ADAMTS18: variants seen among roughly 807,000 people sequenced by gnomAD.
ADAMTS18 encodes the protein ADAM metallopeptidase with thrombospondin type 1 motif 18.
Under a neutral mutation model 165.9 loss-of-function variants are expected in ADAMTS18, and 157 were observed. The observed-to-expected ratio is 0.95, with a 90% CI of 0.83 to 1.08. ADAMTS18 has a LOEUF of 1.08. ADAMTS18 is among the 50% of genes least tolerant of loss of function. The pLI is 0.00. For synonymous variants in ADAMTS18, 782 were observed against 578.2 expected (o/e 1.35, Z -5.06); for missense variants, 2,040 against 1,534.0 (o/e 1.33, Z -5.51).
rs766276770 is a variant in ADAMTS18, at chr16:77,325,892, T to G, written c.2006A>C (p.Gln669Pro). 45 of 1,613,884 alleles carry G rather than the reference T, an allele frequency of 2.8e-5. No individual in the cohort carries two copies. The highest frequency in any genetic ancestry group is 1.8e-5 in the Non-Finnish European group (21 of 1,179,974). The change falls in exon 13 of 23, where the codon CAG (glutamine) becomes CCG (proline). Residue 669 changes from glutamine to proline, a missense_variant. Gln to Pro is a moderately conservative substitution (Grantham distance 76). Transcript: ENST00000282849. ...TTCCACTTTTGTATAGGGTTTCCAC[T>G]GGTAGAACCATCCACGGAAAGGTTT... ...NSKPFRGWFY[Q>P]WKPYTKVEEE...
At chr16:77,303,335 C>T (rs1368245046) in intron 16 of ADAMTS18, among the ~76,000 whole-genome samples, 1 of 152,226 alleles carries the variant, frequency 6.6e-6, no homozygotes, top group East Asian at 1.9e-4. Context: ...ATCTTCCATA[C>T]TACATTGTCT....
intron 3 of ADAMTS18, among the ~76,000 whole-genome samples, chr16:77,430,328 G>A (rs1469058728): frequency 1.3e-5 from 2 of 152,184 alleles, no homozygotes; most frequent in Non-Finnish European, 2.9e-5. Flanking sequence ...TAAATTTCAG[G>A]CCATAATAGG....
At chr16:77,407,040 C>A (rs2144820253) in intron 3 of ADAMTS18, among the ~76,000 whole-genome samples, 1 of 152,106 alleles carries the variant, frequency 6.6e-6, no homozygotes, top group African/African-American at 2.4e-5. Flanking sequence ...ACCTCAACAT[C>A]ATGCAAAACA....
Position 77,285,105 on chromosome 16 carries a change from G to C in ADAMTS18, c.3551-1034C>G, listed in dbSNP as rs920134672. Among the ~76,000 whole-genome samples the C allele has an allele frequency of 9.3e-5, 14 of 151,126 alleles. No homozygotes were observed. In the South Asian group the frequency reaches 2.9e-3, roughly 31 times the overall value. On this transcript the variant is annotated intron_variant, in intron 22 of 22. Transcript: ENST00000282849. ...AGAATTCTTACTCAGATGGGCCTCA[G>C]GAGATAGGAAATGCAAGTGAATGGG...
intron 11 of ADAMTS18, among the ~76,000 whole-genome samples, chr16:77,339,965 C>G (rs527845515): frequency 6.6e-6 from 1 of 152,266 alleles, no homozygotes; most frequent in South Asian, 2.1e-4. Context: ...TTTTTATCAT[C>G]TAACTGAAGA....
intron 12 of ADAMTS18, among the ~76,000 whole-genome samples, chr16:77,328,976 T>G (rs1172090853): frequency 6.6e-6 from 1 of 152,178 alleles, no homozygotes; most frequent in African/African-American, 2.4e-5. Flanking sequence ...GTCCAGGATT[T>G]TTTTCATACT....
chr16:77,368,300 G>A (rs560659903), intron 3 of ADAMTS18, among the ~76,000 whole-genome samples: 2 of 152,180 alleles, frequency 1.3e-5, no homozygotes, highest in African/African-American at 2.4e-5. Flanking sequence ...GTTTGTGCCT[G>A]AAGGGCTGAG....
chr16:77,379,560 C>T (rs942954090), intron 3 of ADAMTS18, among the ~76,000 whole-genome samples: 4 of 152,166 alleles, frequency 2.6e-5, no homozygotes, highest in Non-Finnish European at 5.9e-5. Context: ...GCTATTTCGG[C>T]TCACTGCAAC....
intron 17 of ADAMTS18, among the ~76,000 whole-genome samples, chr16:77,298,541 C>T (rs2055519313): frequency 1.3e-5 from 2 of 152,054 alleles, no homozygotes; most frequent in South Asian, 4.2e-4. Flanking sequence ...CTGATAATCC[C>T]AGCACTTTGG....
chr16:77,347,585 T>C (rs989447678), intron 10 of ADAMTS18, among the ~76,000 whole-genome samples: 1 of 152,208 alleles, frequency 6.6e-6, no homozygotes, highest in African/African-American at 2.4e-5. Context: ...CATGCATTTA[T>C]TGACTATGTG....
At chr16:77,392,070 C>A (rs1212997085) in intron 3 of ADAMTS18, among the ~76,000 whole-genome samples, 2 of 152,196 alleles carry the variant, frequency 1.3e-5, no homozygotes, top group African/African-American at 2.4e-5. Context: ...TCGAACAACA[C>A]CAAGACAATC....
At chr16:77,291,812 G>C (rs1045387958) in intron 20 of ADAMTS18, among the ~76,000 whole-genome samples, 2 of 152,184 alleles carry the variant, frequency 1.3e-5, no homozygotes, top group Non-Finnish European at 2.9e-5. Flanking sequence ...TCCAGGTTTA[G>C]GGTTACACAC....
intron 16 of ADAMTS18, among the ~76,000 whole-genome samples, chr16:77,302,004 CTTTTT>C (rs4038557): frequency 2.7e-4 from 35 of 128,770 alleles, no homozygotes; most frequent in Non-Finnish European, 4.8e-4. Flanking sequence ...CTAGTCTTTG[CTTTTT>C]TTTTTTTTTT....
chr16:77,326,030 T>C lies in ADAMTS18; in HGVS notation c.1868A>G (p.Tyr623Cys). The C allele has an allele frequency of 4.3e-6, 7 of 1,613,788 alleles. No individual in the cohort carries two copies. The highest frequency in any genetic ancestry group is 5.1e-6 in the Non-Finnish European group (6 of 1,179,746). ...AGAACCTGGACAGAATAAGCCACCATACTGAGGCCTGAAAATGAAATTAAT... is the reference window on the plus strand; with the variant it reads ...AGAACCTGGACAGAATAAGCCACCACACTGAGGCCTGAAAATGAAATTAAT... The part of the protein sequence containing the change: ...ERHCNNPKPQ[Y>C]GGLFCPGSSR... The change falls in exon 13 of 23, where the codon TAT (tyrosine) becomes TGT (cysteine). Residue 623 changes from tyrosine (Y) to cysteine (C), a missense_variant. Physicochemically the swap from Tyr to Cys is radical, Grantham distance 194. Coordinates refer to ENST00000282849, the MANE Select transcript of ADAMTS18 (RefSeq NM_199355.4).
At chr16:77,299,967 T>C (rs2055548775) in intron 17 of ADAMTS18, 1 of 232,816 alleles carries the variant, frequency 4.3e-6, no homozygotes, top group Non-Finnish European at 8.6e-6. Context: ...ATATATAATA[T>C]AAATATGCTT....
chr16:77,320,650 AT>A (rs2055979967), intron 15 of ADAMTS18, among the ~76,000 whole-genome samples: 1 of 144,772 alleles, frequency 6.9e-6, no homozygotes, highest in South Asian at 2.2e-4. Context: ...AAAAAAAAAA[AT>A]CTGTCTGGAA....
At chr16:77,303,814 A>T (rs964078185) in intron 16 of ADAMTS18, among the ~76,000 whole-genome samples, 4 of 152,208 alleles carry the variant, frequency 2.6e-5, no homozygotes, top group Non-Finnish European at 5.9e-5. Flanking sequence ...TGGGTGGATC[A>T]CGAGGTTAGG....
intron 16 of ADAMTS18, 76 bp from the exon 17 acceptor site, chr16:77,300,480 T>G: frequency 6.7e-7 from 1 of 1,499,742 alleles, no homozygotes; most frequent in Non-Finnish European, 9.3e-7. Context: ...TACTGAACAT[T>G]TTAAAGATAT....
chr16:77,406,881 C>A (rs184413439), intron 3 of ADAMTS18, among the ~76,000 whole-genome samples: 120 of 151,972 alleles, frequency 7.9e-4, no homozygotes, highest in African/African-American at 1.8e-3. Flanking sequence ...CAAGGGGGAG[C>A]TAAACATTGG....
Sources: gnomAD v4.1 joint callset for allele counts (sites outside exome capture counted in the v4.1 genomes callset) on GRCh38, gnomAD v4.1.1 for gene constraint, MANE v1.5 for transcripts, NCBI Gene and HGNC (gene_info 2026-07-23, HGNC 2026-07-21) for gene names.